The following IQCE variants were observed in gnomAD, a reference collection of about 807,000 sequenced individuals.
IQCE encodes the protein IQ motif containing E, also known as IQ domain-containing protein E.
A neutral mutation model predicts 96.0 loss-of-function variants in IQCE; 115 were observed. The observed-to-expected ratio is 1.20, with a 90% CI of 1.03 to 1.40. IQCE has a LOEUF of 1.40. IQCE is among the 40% of genes most tolerant of loss of function. The pLI is 0.00. For synonymous variants in IQCE, 412 were observed against 371.2 expected (o/e 1.11, Z -1.26); for missense variants, 1,041 against 909.1 (o/e 1.15, Z -1.87).
intron 9 of IQCE, 31 bp from the exon 10 acceptor site, chr7:2,583,606 A>G (rs773067981): frequency 1.3e-6 from 2 of 1,551,074 alleles, no homozygotes; most frequent in Non-Finnish European, 8.8e-7. Context: ...ACGCTGGCAC[A>G]TCCCTATTAA....
intron 6 of IQCE, among the ~76,000 whole-genome samples, chr7:2,577,475 G>A (rs1320555313): frequency 2.3e-5 from 3 of 130,980 alleles, no homozygotes; most frequent in South Asian, 2.6e-4. Flanking sequence ...GACTGTGTGC[G>A]GCGTATACGC....
chr7:2,584,358 G>T lies in IQCE; in HGVS notation c.824+73G>T. On this transcript the variant is annotated intron_variant, in intron 11 of 21. Transcript: ENST00000402050. ...GTGGAAGCTCCTCTGAGAATGTGTG[G>T]CTGTCACGTGGGTGCGGCATATACT... The T allele has an allele frequency of 7.9e-6, 11 of 1,400,466 alleles. No individual in the cohort carries two copies. In the South Asian group the frequency reaches 1.3e-4, roughly 16 times the overall value. The allele number at this position is 1,400,466 out of a possible 1,614,324, so 86.8% of individuals were successfully genotyped here. A position where few individuals can be genotyped will look rare whatever the true frequency, so the allele number is the denominator to read the frequency against.
At chr7:2,572,551 G>T (rs771446157) in intron 5 of IQCE, among the ~76,000 whole-genome samples, 18 of 152,126 alleles carry the variant, frequency 1.2e-4, no homozygotes, top group Non-Finnish European at 2.4e-4. Context: ...GGGATATCTC[G>T]CCAGGTGTCA....
rs547735237 is a variant in IQCE at position 2,561,615 on chromosome 7, G to T, written c.36+2398G>T. Among the ~76,000 whole-genome samples the T allele has an allele frequency of 1.4e-4, 22 of 151,854 alleles. No individual in the cohort carries two copies. In the South Asian group the frequency reaches 4.4e-3, roughly 30 times the overall value. ...TTTTTGTATTTTTGGTAGACACGGG[G>T]TTTCACCTTGTTAGCCAGGATGGTC... On this transcript the variant is annotated intron_variant, in intron 1 of 21. Coordinates refer to ENST00000402050, the MANE Select transcript of IQCE (RefSeq NM_152558.5).
rs1554306443 is a variant in IQCE, at chr7:2,578,287, C to G, written c.511C>G (p.Leu171Val). The G allele has an allele frequency of 1.2e-6, 2 of 1,613,860 alleles. No individual in the cohort carries two copies. The highest frequency in any genetic ancestry group is 1.7e-6 in the Non-Finnish European group (2 of 1,179,952). The change falls in exon 7 of 22, where the codon CTC becomes GTC. Residue 171 changes from leucine to valine, a missense_variant. By Grantham distance (32) the Leu-to-Val change is conservative. Transcript: ENST00000402050. Reference sequence around the variant, plus strand: ...CGACGTGGACCTGATGAGAACGAAGCTCCGGCGCCTGGAGGAGGAAAACAG... The same window carrying G: ...CGACGTGGACCTGATGAGAACGAAGGTCCGGCGCCTGGAGGAGGAAAACAG... ...KSDVDLMRTK[L>V]RRLEEENSRK...
chr7:2,560,670 TCTCTTGGCCGGGCACGGCGG>T lies in IQCE; in HGVS notation c.36+1457_36+1476del, dbSNP rs376117384. ...TTTTTATTATTTTTTTAAGACAGAG[TCTCTTGGCCGGGCACGGCGG>T]CTCATGCCTGTAATCCCAGCACTTT... On this transcript the variant is annotated intron_variant, in intron 1 of 21. Transcript: ENST00000402050. Among the ~76,000 whole-genome samples, 355 of 151,606 alleles carry T rather than the reference TCTCTTGGCCGGGCACGGCGG, an allele frequency of 2.3e-3. 10 individuals are homozygous for T. The South Asian group carries it at 0.055, about 23-fold the overall frequency.
rs1783437601 is a variant in IQCE at position 2,589,819 on chromosome 7, G to T, written c.1045-88G>T. On this transcript the variant is annotated intron_variant, in intron 13 of 21. Transcript: ENST00000402050. ...CATGGCCCTGCTGGAGACTCAGTTT[G>T]CCCTGGTTCAGTGTCTCTTTTCTGG... The T allele has an allele frequency of 5.4e-6, 7 of 1,308,362 alleles. No individual in the cohort carries two copies. The Admixed American group carries it at 6.9e-5, about 13-fold the overall frequency. 81.0% of individuals were successfully genotyped at this position (1,308,362 alleles called of 1,614,324 possible).
Position 2,563,376 on chromosome 7 carries a change from TG to T in IQCE, c.37-3739del, listed in dbSNP as rs1267321182. On this transcript the variant is annotated intron_variant, in intron 1 of 21. Coordinates refer to ENST00000402050, the MANE Select transcript of IQCE (RefSeq NM_152558.5). ...GATGCCCAGCTAATTAATTTTTTGT[TG>T]TGTGTGTGTGTGTGTGTGTGTGTGT... Among the ~76,000 whole-genome samples the T allele has an allele frequency of 5.5e-3, 130 of 23,498 alleles. No homozygotes were observed. In the African/African-American group the frequency reaches 0.058, roughly 10 times the overall value. The allele number at this position is 23,498 out of a possible 152,430, so 15.4% of individuals were successfully genotyped here. A position where few individuals can be genotyped will look rare whatever the true frequency, so the allele number is the denominator to read the frequency against.
Position 2,571,655 on chromosome 7 carries a change from G to A in IQCE, c.259+1G>A, listed in dbSNP as rs768696760. 3.8e-6 allele frequency: 6 copies of A among 1,598,664 alleles called. No homozygotes were observed. In the African/African-American group the frequency reaches 5.3e-5, roughly 14 times the overall value. On this transcript the variant is annotated splice_donor_variant, in intron 4 of 21. Coordinates refer to ENST00000402050, the MANE Select transcript of IQCE (RefSeq NM_152558.5). LOFTEE classifies it high-confidence loss of function. ...CTGTGGCTGGGAACCGCAAAGCCAG[G>A]TATGTGGTTGTCGCACTGGAGACCC...
intron 8 of IQCE, among the ~76,000 whole-genome samples, chr7:2,580,720 G>A (rs145026462): frequency 2.2e-3 from 331 of 152,242 alleles, no homozygotes; most frequent in Non-Finnish European, 3.1e-3. Context: ...TTTGTTGAAT[G>A]TTAGAATAAA....
intron 17 of IQCE, among the ~76,000 whole-genome samples, chr7:2,599,306 C>T (rs1242616714): frequency 2.0e-5 from 3 of 152,046 alleles, no homozygotes; most frequent in Admixed American, 6.5e-5. Context: ...AAGTGATTCT[C>T]CTGCCTCAGC....
At position 2,598,935 on chromosome 7, in the gene IQCE, T is replaced by G. The variant is rs953675114; in HGVS notation, c.1608+303T>G. 2.0e-5 allele frequency among the ~76,000 whole-genome samples: 3 copies of G among 152,342 alleles called. No homozygotes were observed. In the South Asian group the frequency reaches 6.2e-4, roughly 32 times the overall value. Reference sequence around the variant, plus strand: ...GTATCTTCTAAGAAAAAGTGTCTTCTCCTACCTGACCACAGCACCGTGACT... The same window carrying G: ...GTATCTTCTAAGAAAAAGTGTCTTCGCCTACCTGACCACAGCACCGTGACT... On this transcript the variant is annotated intron_variant, in intron 17 of 21. Coordinates refer to ENST00000402050, the MANE Select transcript of IQCE (RefSeq NM_152558.5).
At chr7:2,586,741 A>G (rs1250009244) in intron 12 of IQCE, among the ~76,000 whole-genome samples, 1 of 152,202 alleles carries the variant, frequency 6.6e-6, no homozygotes, top group Non-Finnish European at 1.5e-5. Context: ...GGCACCCCCA[A>G]GACGGTGACA....
chr7:2,592,871 T>G, intron 14 of IQCE, 151 bp from the exon 15 acceptor site: 1 of 759,986 alleles, frequency 1.3e-6, no homozygotes. Context: ...TGGCAATGTG[T>G]GATTAGAAAT....
At chr7:2,579,617 G>A (rs562900708) in intron 8 of IQCE, among the ~76,000 whole-genome samples, 16 of 152,218 alleles carry the variant, frequency 1.1e-4, no homozygotes, top group South Asian at 2.1e-4. Context: ...CACCTAGGAC[G>A]GCACAAAGTA....
Position 2,559,072 on chromosome 7 carries a change from C to A in IQCE, c.-110C>A, listed in dbSNP as rs896005968. 6.9e-6 allele frequency: 4 copies of A among 579,378 alleles called. No homozygotes were observed. The highest frequency in any genetic ancestry group is 4.0e-5 in the African/African-American group (2 of 50,292). 35.9% of individuals were successfully genotyped at this position (579,378 alleles called of 1,614,324 possible). A position where few individuals can be genotyped will look rare whatever the true frequency, so the allele number is the denominator to read the frequency against. On this transcript the variant is annotated 5_prime_UTR_variant, in exon 1 of 22. Coordinates refer to ENST00000402050, the MANE Select transcript of IQCE (RefSeq NM_152558.5). ...TTGCCATGGCAGCGGGGTCGCGGGCCGGCGCCAGGGAAGGCCCCGAGGCTG... is the reference window on the plus strand; with the variant it reads ...TTGCCATGGCAGCGGGGTCGCGGGCAGGCGCCAGGGAAGGCCCCGAGGCTG...
At chr7:2,590,297 C>A (rs4721846) in intron 14 of IQCE, among the ~76,000 whole-genome samples, 191 bp downstream of exon 14, 17,457 of 85,208 alleles carry the variant, frequency 0.2, 3,962 homozygotes, top group Middle Eastern at 0.27. Flanking sequence ...CAGGCCCCAC[C>A]AGCAGCCTCA....
At chr7:2,592,753 T>C (rs1007160984) in intron 14 of IQCE, among the ~76,000 whole-genome samples, 62 of 152,188 alleles carry the variant, frequency 4.1e-4, no homozygotes, top group African/African-American at 1.5e-3. Context: ...GAGGGGCAAC[T>C]CCTCATTCTA....
chr7:2,562,993 A>G (rs1047944243), intron 1 of IQCE, among the ~76,000 whole-genome samples: 5 of 152,030 alleles, frequency 3.3e-5, no homozygotes, highest in African/African-American at 1.2e-4. Context: ...TGGCACAATC[A>G]CAGCTCCCTG....
Sources: gnomAD v4.1 joint callset for allele counts (sites outside exome capture counted in the v4.1 genomes callset) on GRCh38, gnomAD v4.1.1 for gene constraint, MANE v1.5 for transcripts, NCBI Gene and HGNC (gene_info 2026-07-23, HGNC 2026-07-21) for gene names.